PARD3: variants seen among roughly 807,000 people sequenced by gnomAD.
The protein encoded by PARD3 is partitioning defective 3 homolog.
PARD3 carries 75 observed loss-of-function variants against 155.4 expected under a neutral mutation model. The observed-to-expected ratio is 0.48, with a 90% CI of 0.40 to 0.58. The LOEUF (loss-of-function observed/expected upper bound fraction) is 0.58, where lower values mean the gene tolerates loss of function less well. Among genes scored for constraint, PARD3 ranks in the 20% least tolerant of loss-of-function variants. PARD3 has a pLI of 0.00. For missense variants in PARD3, 1,642 were observed against 1,721.7 expected (o/e 0.95, Z 0.82); for synonymous variants, 576 against 610.5 (o/e 0.94, Z 0.83).
chr10:34,357,041 G>GA (rs1231591014), intron 14 of PARD3, among the ~76,000 whole-genome samples: 1 of 152,174 alleles, frequency 6.6e-6, no homozygotes, highest in East Asian at 1.9e-4. Flanking sequence ...TTCATATGGA[G>GA]AAGTGAATAA....
intron 3 of PARD3, among the ~76,000 whole-genome samples, chr10:34,514,685 T>G (rs1281065830): frequency 3.3e-5 from 5 of 152,146 alleles, no homozygotes; most frequent in Admixed American, 3.3e-4. Flanking sequence ...CTTCTTTTTC[T>G]CAATAAAAAC....
At chr10:34,767,090 G>A (rs1178112833) in intron 1 of PARD3, among the ~76,000 whole-genome samples, 3 of 152,136 alleles carry the variant, frequency 2.0e-5, no homozygotes, top group African/African-American at 7.2e-5. Context: ...ACTGGAGACA[G>A]AGGCTACAGA....
At chr10:34,651,201 T>C (rs2093005983) in intron 2 of PARD3, among the ~76,000 whole-genome samples, 1 of 152,126 alleles carries the variant, frequency 6.6e-6, no homozygotes, top group Non-Finnish European at 1.5e-5. Flanking sequence ...TGACAAAAAT[T>C]AGATTTTTGC....
intron 6 of PARD3, among the ~76,000 whole-genome samples, chr10:34,399,708 C>T (rs1178940392): frequency 7.2e-5 from 11 of 152,106 alleles, no homozygotes; most frequent in Admixed American, 7.2e-4. Context: ...CTTGGACCGA[C>T]CCTATTCTTC....
intron 4 of PARD3, among the ~76,000 whole-genome samples, chr10:34,468,252 A>C (rs2078129626): frequency 6.6e-6 from 1 of 152,178 alleles, no homozygotes; most frequent in Non-Finnish European, 1.5e-5. Flanking sequence ...CCTTCCAGTG[A>C]TTTTGTGAGA....
At chr10:34,784,000 G>A (rs968586061) in intron 1 of PARD3, among the ~76,000 whole-genome samples, 1 of 152,116 alleles carries the variant, frequency 6.6e-6, no homozygotes. Flanking sequence ...TTGAGTCCAA[G>A]AGTTTGAGAT....
At chr10:34,329,104 A>G (rs951830529) in intron 19 of PARD3, among the ~76,000 whole-genome samples, 8 of 152,134 alleles carry the variant, frequency 5.3e-5, no homozygotes, top group African/African-American at 1.9e-4. Context: ...ATATACTGTT[A>G]TTTCTCATTT....
intron 2 of PARD3, among the ~76,000 whole-genome samples, chr10:34,666,501 C>G (rs903923454): frequency 6.6e-6 from 1 of 151,854 alleles, no homozygotes; most frequent in Non-Finnish European, 1.5e-5. Context: ...AAGAAAACCC[C>G]GAGCACATTG....
chr10:34,750,820 C>T lies in PARD3; in HGVS notation c.121-54401G>A, dbSNP rs898646542. ...TCTCCTGCCTCGGCCTCCTGAGTTG[C>T]TGGGATTACAGGCACACACCACCAC... On this transcript the variant is annotated intron_variant, in intron 1 of 24. Coordinates refer to ENST00000374788, the MANE Select transcript of PARD3 (RefSeq NM_001184785.2). 1.6e-4 allele frequency among the ~76,000 whole-genome samples: 24 copies of T among 151,798 alleles called. 1 individual carries two copies. The highest frequency in any genetic ancestry group is 1.1e-3 in the Admixed American group (17 of 15,234).
intron 21 of PARD3, among the ~76,000 whole-genome samples, chr10:34,275,221 C>T (rs1316915033): frequency 6.6e-6 from 1 of 152,170 alleles, no homozygotes; most frequent in Non-Finnish European, 1.5e-5. Context: ...ATTTGTATTG[C>T]TTATCTTGTC....
At position 34,799,335 on chromosome 10, in the gene PARD3, C is replaced by T. The variant is rs1449366199; in HGVS notation, c.120+15541G>A. On this transcript the variant is annotated intron_variant, in intron 1 of 24. Coordinates refer to ENST00000374788, the MANE Select transcript of PARD3 (RefSeq NM_001184785.2). ...GGGATTACAAGCGGGAGCCACCATG[C>T]CCAGCCTCAATACAGATTCCTATAC... 2.0e-5 allele frequency among the ~76,000 whole-genome samples: 3 copies of T among 152,156 alleles called. No homozygotes were observed. The East Asian group carries it at 5.8e-4, about 29-fold the overall frequency.
At chr10:34,264,464 A>G (rs1369533006) in intron 22 of PARD3, among the ~76,000 whole-genome samples, 5 of 152,236 alleles carry the variant, frequency 3.3e-5, no homozygotes, top group African/African-American at 1.2e-4. Flanking sequence ...AACACGTAAC[A>G]AATTCACTTT....
intron 22 of PARD3, among the ~76,000 whole-genome samples, chr10:34,222,538 G>A (rs1028569037): frequency 5.9e-5 from 9 of 152,330 alleles, no homozygotes; most frequent in East Asian, 1.9e-4. Flanking sequence ...AAGCTTTCTG[G>A]CATAACCAGG....
chr10:34,411,919 CGTGTGT>C (rs61517279), intron 5 of PARD3, among the ~76,000 whole-genome samples: 7,917 of 141,092 alleles, frequency 0.056, 402 homozygotes, highest in African/African-American at 0.14. Flanking sequence ...ATAAGCTAGT[CGTGTGT>C]GTGTGTGTGT....
chr10:34,359,686 T>C (rs1306281528), intron 13 of PARD3, among the ~76,000 whole-genome samples: 1 of 152,080 alleles, frequency 6.6e-6, no homozygotes, highest in Non-Finnish European at 1.5e-5. Flanking sequence ...CAGAGAACTG[T>C]CCCCTTAACA....
intron 22 of PARD3, among the ~76,000 whole-genome samples, chr10:34,162,797 G>A (rs1397058913): frequency 6.6e-6 from 1 of 152,114 alleles, no homozygotes; most frequent in Admixed American, 6.5e-5. Context: ...GGCCCCACAA[G>A]GAAGGAAAGT....
intron 22 of PARD3, among the ~76,000 whole-genome samples, chr10:34,145,447 C>A (rs1948462974): frequency 6.6e-6 from 1 of 151,022 alleles, no homozygotes; most frequent in African/African-American, 2.4e-5. Flanking sequence ...AATATTGGAC[C>A]TCCCAGAATG....
At chr10:34,781,908 C>G (rs1840280251) in intron 1 of PARD3, among the ~76,000 whole-genome samples, 1 of 152,180 alleles carries the variant, frequency 6.6e-6, no homozygotes, top group Admixed American at 6.6e-5. Flanking sequence ...TGGAAATGTT[C>G]TTGAACGTTT....
intron 22 of PARD3, among the ~76,000 whole-genome samples, chr10:34,255,187 A>C (rs1954591275): frequency 6.6e-6 from 1 of 152,066 alleles, no homozygotes; most frequent in African/African-American, 2.4e-5. Context: ...GACTTTGTGA[A>C]ATACAGAGAA....
Sources: allele counts gnomAD v4.1 joint callset (sites outside exome capture counted in the v4.1 genomes callset), GRCh38; gene constraint gnomAD v4.1.1; transcripts MANE v1.5; gene names NCBI Gene and HGNC (gene_info 2026-07-23, HGNC 2026-07-21).